NF1: variants seen among roughly 807,000 people sequenced by gnomAD.
The protein encoded by NF1 is neurofibromin.
A neutral mutation model predicts 325.7 loss-of-function variants in NF1; 122 were observed. The observed-to-expected ratio is 0.37, with a 90% CI of 0.32 to 0.44. The LOEUF (loss-of-function observed/expected upper bound fraction) is 0.44, where lower values mean the gene tolerates loss of function less well. Among genes scored for constraint, NF1 ranks in the 20% least tolerant of loss-of-function variants. The probability of loss-of-function intolerance (pLI) is 1.00; values close to 1 mark genes in which losing one functional copy is unlikely to be tolerated. For missense variants in NF1, 2,140 were observed against 3,415.4 expected, an observed-to-expected ratio of 0.63 and a Z score of 9.31; for synonymous variants, 1,091 against 1,186.0, an observed-to-expected ratio of 0.92 and a Z score of 1.65.
intron 11 of NF1, among the ~76,000 whole-genome samples, chr17:31,202,298 G>C (rs1391294207): frequency 6.6e-6 from 1 of 152,128 alleles, no homozygotes; most frequent in Admixed American, 6.5e-5. Context: ...CCTTAAAGGA[G>C]GCTGTAATCA....
chr17:31,356,193 G>T lies in NF1; in HGVS notation c.7616-267G>T, dbSNP rs79297885. ...TGTTGATTTACCTCCAGTGTAGTTT[G>T]GTTTACCTCCAGTGTACAGAATACA... On this transcript the variant is annotated intron_variant, in intron 51 of 57. Coordinates refer to ENST00000358273, the MANE Select transcript of NF1 (RefSeq NM_001042492.3). The T allele has an allele frequency of 4.5e-3, 1,702 of 374,368 alleles. 13 individuals are homozygous for T. Among genetic ancestry groups the T allele is most frequent in the South Asian group, 0.017 (637 of 37,244 alleles). The allele number at this position is 374,368 out of a possible 1,614,324, so 23.2% of individuals were successfully genotyped here. A position where few individuals can be genotyped will look rare whatever the true frequency, so the allele number is the denominator to read the frequency against.
At chr17:31,154,168 G>T (rs1655735011) in intron 1 of NF1, among the ~76,000 whole-genome samples, 1 of 146,478 alleles carries the variant, frequency 6.8e-6, no homozygotes, top group African/African-American at 2.5e-5. Context: ...CCATTCTCGT[G>T]CCTCAGCCTC....
At chr17:31,308,100 C>T (rs995149649) in intron 36 of NF1, 8 of 271,252 alleles carry the variant, frequency 2.9e-5, no homozygotes, top group Admixed American at 2.9e-4. Flanking sequence ...GTTACTACTG[C>T]CTTGCTTGAG....
rs926312847 is a variant in NF1 at position 31,327,288 on chromosome 17, A to G, written c.5269-211A>G. On this transcript the variant is annotated intron_variant, in intron 37 of 57. Coordinates refer to ENST00000358273, the MANE Select transcript of NF1 (RefSeq NM_001042492.3). ...TCTATAAGATTCTTGACCTTTTTAA[A>G]AAGGAAAATTAAAAAATTTTTAAAT... 5.3e-5 allele frequency among the ~76,000 whole-genome samples: 8 copies of G among 152,136 alleles called. No individual in the cohort carries two copies. In the East Asian group the frequency reaches 1.2e-3, roughly 22 times the overall value.
intron 36 of NF1, among the ~76,000 whole-genome samples, chr17:31,310,245 A>G (rs901531813): frequency 6.6e-6 from 1 of 152,204 alleles, no homozygotes; most frequent in Non-Finnish European, 1.5e-5. Context: ...GCAAAGAAAT[A>G]CAAAATAACA....
At chr17:31,301,455 G>T (rs543738637) in intron 36 of NF1, among the ~76,000 whole-genome samples, 14 of 151,920 alleles carry the variant, frequency 9.2e-5, no homozygotes, top group Non-Finnish European at 1.5e-4. Context: ...TGATCTGTTT[G>T]TTTAGTCATA....
chr17:31,110,965 G>A (rs1458863437), intron 1 of NF1, among the ~76,000 whole-genome samples: 3 of 151,932 alleles, frequency 2.0e-5, no homozygotes, highest in African/African-American at 4.8e-5. Flanking sequence ...CGAGAGCAGG[G>A]CCTATGTCTG....
chr17:31,161,063 A>G (rs1287132775), intron 3 of NF1, among the ~76,000 whole-genome samples: 1 of 152,212 alleles, frequency 6.6e-6, no homozygotes, highest in Admixed American at 6.5e-5. Context: ...AAATTGAGGC[A>G]GTTTAAGAAG....
chr17:31,376,809 T>TG lies in NF1; in HGVS notation c.*2655dup, dbSNP rs2070737843. The TG allele has an allele frequency of 4.3e-6, 1 of 233,274 alleles. No homozygotes were observed. The highest frequency in any genetic ancestry group is 2.2e-5 in the African/African-American group (1 of 45,480). 14.5% of individuals were successfully genotyped at this position (233,274 alleles called of 1,614,324 possible). On this transcript the variant is annotated 3_prime_UTR_variant, in exon 58 of 58. Transcript: ENST00000358273. The stretch of plus-strand genomic sequence containing the variant: ...TTTGTCCTGGATAATCTACCTGTTA[T>TG]GCCAGTACTCCCATCCGAGGGGCAT...
chr17:31,317,317 G>A (rs1162088162), intron 36 of NF1, among the ~76,000 whole-genome samples: 3 of 151,072 alleles, frequency 2.0e-5, no homozygotes, highest in Non-Finnish European at 2.9e-5. Flanking sequence ...CTTGAAGCCA[G>A]TTTCTTTAAA....
At chr17:31,149,803 G>C (rs1270306318) in intron 1 of NF1, among the ~76,000 whole-genome samples, 2 of 152,090 alleles carry the variant, frequency 1.3e-5, no homozygotes, top group African/African-American at 4.8e-5. Context: ...TGAAGGAGGA[G>C]CTTGAGGAGG....
rs142795008 is a variant in NF1 at position 31,190,931 on chromosome 17, T to C, written c.888+8266T>C. ...GTATTCTTACCTTCTCTTTCAGAGG[T>C]AAACTGTGTGATGTGATGGATATGT... On this transcript the variant is annotated intron_variant, in intron 8 of 57. Transcript: ENST00000358273. 6.8e-3 allele frequency among the ~76,000 whole-genome samples: 1,030 copies of C among 152,296 alleles called. 15 individuals are homozygous for C. The highest frequency in any genetic ancestry group is 0.023 in the African/African-American group (963 of 41,556).
At chr17:31,267,330 A>G (rs866320438) in intron 36 of NF1, among the ~76,000 whole-genome samples, 137 of 152,310 alleles carry the variant, frequency 9.0e-4, no homozygotes, top group African/African-American at 3.2e-3. Flanking sequence ...CCTCTCCTAT[A>G]AAGTGTTTTG....
chr17:31,175,881 TG>T (rs2143743126), intron 5 of NF1, among the ~76,000 whole-genome samples: 2 of 152,348 alleles, frequency 1.3e-5, no homozygotes, highest in South Asian at 4.1e-4. Context: ...CATAGTATTC[TG>T]TGGTGTATAT....
At chr17:31,348,726 T>TAAAA (rs35854297) in intron 48 of NF1, among the ~76,000 whole-genome samples, 3 of 148,828 alleles carry the variant, frequency 2.0e-5, no homozygotes, top group Non-Finnish European at 4.5e-5. Context: ...CATCTTTTCT[T>TAAAA]AAAAAAAAAA....
chr17:31,358,853 CAT>C, intron 55 of NF1, 114 bp from the exon 56 acceptor site: 1 of 1,114,746 alleles, frequency 9.0e-7, no homozygotes, highest in South Asian at 1.3e-5. Flanking sequence ...ATTCTAAAAA[CAT>C]GTTTTCAACA....
At chr17:31,192,975 G>C (rs1385042736) in intron 8 of NF1, among the ~76,000 whole-genome samples, 2 of 152,138 alleles carry the variant, frequency 1.3e-5, no homozygotes, top group Admixed American at 6.5e-5. Context: ...CATAAATTCT[G>C]ATTTAATTAC....
chr17:31,340,284 G>A, intron 46 of NF1: 1 of 571,152 alleles, frequency 1.8e-6, no homozygotes, highest in Non-Finnish European at 3.1e-6. Context: ...AGAACAGGGA[G>A]AAGTCAAAGG....
intron 35 of NF1, among the ~76,000 whole-genome samples, chr17:31,264,426 A>AT (rs1454006091): frequency 6.6e-6 from 1 of 151,906 alleles, no homozygotes; most frequent in Non-Finnish European, 1.5e-5. Context: ...AAAAAAAAAA[A>AT]TTAAATTTAT....
Sources: gnomAD v4.1 joint callset for allele counts (sites outside exome capture counted in the v4.1 genomes callset) on GRCh38, gnomAD v4.1.1 for gene constraint, MANE v1.5 for transcripts, NCBI Gene and HGNC (gene_info 2026-07-23, HGNC 2026-07-21) for gene names.